Variants in KCNS1 observed in about 807,000 individuals in gnomAD.
KCNS1 encodes delayed-rectifier potassium channel regulatory subunit KCNS1.
KCNS1 carries 26 observed loss-of-function variants against 33.1 expected under a neutral mutation model. That is an observed-to-expected ratio of 0.79 (90% CI 0.58 to 1.09). The LOEUF (loss-of-function observed/expected upper bound fraction) is 1.09. Ranked by LOEUF, KCNS1 falls within the 50% of genes least tolerant of loss-of-function variation. KCNS1 has a pLI of 0.00. For synonymous variants in KCNS1, 299 were observed against 338.8 expected, an observed-to-expected ratio of 0.88 and a Z score of 1.29; for missense variants, 702 against 752.4, an observed-to-expected ratio of 0.93 and a Z score of 0.78.
chr20:45,098,531 C>A lies in KCNS1; in HGVS notation c.241G>T (p.Ala81Ser), dbSNP rs1462699926. ...CGCGCCTGCTCCTCCGACGCCGCGG[C>A]CTGCAGGCGGCCCAGCCGCGTGCCC... is the stretch of plus-strand genomic sequence containing the variant. Reference protein sequence around the residue: ...FPGTRLGRLQAAASEEQARRL... With the variant: ...FPGTRLGRLQSAASEEQARRL... The change falls in exon 3 of 4, where the codon GCC (alanine) becomes TCC (serine). Residue 81 changes from alanine to serine, a missense_variant. By Grantham distance (99) the Ala-to-Ser change is moderately conservative (BLOSUM62 1). This residue lies in a region of KCNS1 where 374 missense variants were observed against 352.3 expected (regional missense o/e 1.06). Transcript: ENST00000537075. The surrounding 1 kb of genome is among the most constrained non-coding windows in gnomAD (Gnocchi z 5.2). 1 of 1,502,214 alleles carries A rather than the reference C, an allele frequency of 6.7e-7. No individual in the cohort carries two copies. 93.1% of individuals were successfully genotyped at this position (1,502,214 alleles called of 1,614,324 possible). A position where few individuals can be genotyped will look rare whatever the true frequency, so the allele number is the denominator to read the frequency against.
chr20:45,095,046 C>T lies in KCNS1; in HGVS notation c.1405G>A (p.Ala469Thr). ...CTGTTGCGCACGGCTGCCTCCAGAG[C>T]CTTCTGGCGCCGGTAGAAGTGGGAG... Reference protein sequence around the residue: ...KFSHFYRRQKALEAAVRNSNH... With the variant: ...KFSHFYRRQKTLEAAVRNSNH... The change falls in exon 4 of 4, where the codon GCT becomes ACT. Residue 469 changes from alanine to threonine, a missense_variant. Around this residue, in one of 3 missense-constraint regions of KCNS1, gnomAD observed 75 missense variants for 72.7 expected, o/e 1.03. Coordinates refer to ENST00000537075, the MANE Select transcript of KCNS1 (RefSeq NM_001322799.2). The T allele has an allele frequency of 6.2e-7, 1 of 1,613,954 alleles. No homozygotes were observed.
In KCNS1 at chr20:45,093,351, CA is replaced by C. The variant is rs1171939505; in HGVS notation, c.*1518del. ...GGCGGAGCTGAACGGACCTCCTTTT[CA>C]GTCTTGTTCACACCTTTTTGAGGGC... On this transcript the variant is annotated 3_prime_UTR_variant, in exon 4 of 4. Transcript: ENST00000537075. 4 of 152,274 alleles carry C rather than the reference CA, an allele frequency of 2.6e-5. No homozygotes were observed. In the East Asian group the frequency reaches 7.7e-4, roughly 29 times the overall value. 9.4% of individuals were successfully genotyped at this position (152,274 alleles called of 1,614,324 possible). A position where few individuals can be genotyped will look rare whatever the true frequency, so the allele number is the denominator to read the frequency against.
Position 45,099,171 on chromosome 20 carries a change from T to TC in KCNS1, c.65_66insG (p.Pro23ThrfsTer8). 6.4e-7 allele frequency: 1 copy of TC among 1,551,480 alleles called. No individual in the cohort carries two copies. The stretch of plus-strand genomic sequence containing the variant: ...GATAGTAACACTTACCTCCTAGGGG[T>TC]GTTGGCAGCACCACTTTAGACCGGA... On this transcript the variant is annotated frameshift_variant, in exon 2 of 4. Transcript: ENST00000537075. LOFTEE classifies it high-confidence loss of function.
intron 3 of KCNS1, 95 bp downstream of exon 3, chr20:45,097,567 A>T: frequency 7.9e-7 from 1 of 1,262,968 alleles, no homozygotes; most frequent in Non-Finnish European, 1.1e-6. Flanking sequence ...GTTGAACGTT[A>T]AGCCTGGACT....
chr20:45,094,821 G>C lies in KCNS1; in HGVS notation c.*49C>G. On this transcript the variant is annotated 3_prime_UTR_variant, in exon 4 of 4. Transcript: ENST00000537075. ...ACTACCATGAAGAACTTTAGCAGGGGAGGAATCTCTACTGTAGGGGCATGG... is the reference window on the plus strand; with the variant it reads ...ACTACCATGAAGAACTTTAGCAGGGCAGGAATCTCTACTGTAGGGGCATGG... The C allele has an allele frequency of 6.9e-7, 1 of 1,440,096 alleles. No individual in the cohort carries two copies. The highest frequency in any genetic ancestry group is 9.5e-7 in the Non-Finnish European group (1 of 1,048,104). The allele number at this position is 1,440,096 out of a possible 1,614,324, so 89.2% of individuals were successfully genotyped here. A position where few individuals can be genotyped will look rare whatever the true frequency, so the allele number is the denominator to read the frequency against.
At position 45,098,698 on chromosome 20, in the gene KCNS1, G is replaced by A; in HGVS notation, c.77-3C>T. The A allele has an allele frequency of 7.1e-7, 1 of 1,406,674 alleles. No individual in the cohort carries two copies. Among genetic ancestry groups the A allele is most frequent in the Non-Finnish European group, 9.2e-7 (1 of 1,081,882 alleles). 87.1% of individuals were successfully genotyped at this position (1,406,674 alleles called of 1,614,324 possible). ...CACAAAGGTTTCAGTGCTCCTCCCT[G>A]CGGACACCAGAAGGGCGCGCTGAGG... On this transcript the variant is annotated splice_polypyrimidine_tract_variant and splice_region_variant and intron_variant, in intron 2 of 3. Coordinates refer to ENST00000537075, the MANE Select transcript of KCNS1 (RefSeq NM_001322799.2). The surrounding 1 kb of genome is among the most constrained non-coding windows in gnomAD (Gnocchi z 5.2).
Position 45,098,520 on chromosome 20 carries a change from C to A in KCNS1, c.252G>T (p.Ser84=). The change falls in exon 3 of 4, where the codon TCG becomes TCT. Residue 84 remains serine (S), a synonymous_variant. Transcript: ENST00000537075. This position sits in a 1 kb window ranked among gnomAD's most constrained non-coding sequence, Gnocchi z 5.2. The part of the protein sequence containing the change: ...TRLGRLQAAA[S]EEQARRLCDD... ...CGCACAGGCGCCGCGCCTGCTCCTC[C>A]GACGCCGCGGCCTGCAGGCGGCCCA... 6.6e-7 allele frequency: 1 copy of A among 1,510,720 alleles called. No homozygotes were observed. The highest frequency in any genetic ancestry group is 8.9e-7 in the Non-Finnish European group (1 of 1,128,052). 93.6% of individuals were successfully genotyped at this position (1,510,720 alleles called of 1,614,324 possible).
chr20:45,092,467 G>A lies in KCNS1; in HGVS notation c.*2403C>T, dbSNP rs909826071. On this transcript the variant is annotated 3_prime_UTR_variant, in exon 4 of 4. Transcript: ENST00000537075. ...CCACATCAGTATTAGGGACCTGTTT[G>A]TAGGGTCAGAAAATATGGAAGCCGT... The A allele has an allele frequency of 6.6e-6, 1 of 152,216 alleles. No individual in the cohort carries two copies. Among genetic ancestry groups the A allele is most frequent in the Non-Finnish European group, 1.5e-5 (1 of 68,058 alleles). 9.4% of individuals were successfully genotyped at this position (152,216 alleles called of 1,614,324 possible).
chr20:45,099,356 C>T (rs1248311499), intron 1 of KCNS1, 117 bp from the exon 2 acceptor site: 12 of 669,006 alleles, frequency 1.8e-5, no homozygotes, highest in Admixed American at 1.5e-4. Flanking sequence ...GATTCGGCTA[C>T]ATAGTCAAGT....
Position 45,098,577 on chromosome 20 carries a change from C to T in KCNS1, c.195G>A (p.Ala65=). 7.2e-7 allele frequency: 1 copy of T among 1,380,092 alleles called. No individual in the cohort carries two copies. The highest frequency in any genetic ancestry group is 3.4e-5 in the Admixed American group (1 of 29,558). The allele number at this position is 1,380,092 out of a possible 1,614,324, so 85.5% of individuals were successfully genotyped here. ...NVGGVRRQLS[A]RALARFPGTR... ...TGCCCGGGAAGCGCGCCAGGGCGCGCGCGCTCAGCTGCCGCCGCACGCCAC... is the reference window on the plus strand; with the variant it reads ...TGCCCGGGAAGCGCGCCAGGGCGCGTGCGCTCAGCTGCCGCCGCACGCCAC... The change falls in exon 3 of 4, where the codon GCG becomes GCA. Residue 65 remains alanine (A), a synonymous_variant. Coordinates refer to ENST00000537075, the MANE Select transcript of KCNS1 (RefSeq NM_001322799.2). This position sits in a 1 kb window ranked among gnomAD's most constrained non-coding sequence, Gnocchi z 5.2.
Position 45,093,680 on chromosome 20 carries a change from C to G in KCNS1, c.*1190G>C, listed in dbSNP as rs1020881345. Reference sequence around the variant, plus strand: ...AGCAGGTGGGTATGAGAGATATGCCCCCAGCAAGGGTGAGGGGGCTGGAGC... The same window carrying G: ...AGCAGGTGGGTATGAGAGATATGCCGCCAGCAAGGGTGAGGGGGCTGGAGC... On this transcript the variant is annotated 3_prime_UTR_variant, in exon 4 of 4. Transcript: ENST00000537075. 2 of 152,306 alleles carry G rather than the reference C, an allele frequency of 1.3e-5. No individual in the cohort carries two copies. The highest frequency in any genetic ancestry group is 4.8e-5 in the African/African-American group (2 of 41,448). 9.4% of individuals were successfully genotyped at this position (152,306 alleles called of 1,614,324 possible).
chr20:45,100,593 G>GT (rs937398393), intron 1 of KCNS1, among the ~76,000 whole-genome samples: 10 of 152,242 alleles, frequency 6.6e-5, no homozygotes, highest in East Asian at 5.8e-4. Context: ...TGGAGACCAG[G>GT]TTTTTTTATT....
At chr20:45,100,447 C>T (rs2145516824) in intron 1 of KCNS1, 1 of 152,350 alleles carries the variant, frequency 6.6e-6, no homozygotes, top group South Asian at 2.1e-4. Context: ...CTTCATCCAT[C>T]AGGAGCTCAC....
At chr20:45,097,406 G>C (rs1413709000) in intron 3 of KCNS1, among the ~76,000 whole-genome samples, 1 of 151,766 alleles carries the variant, frequency 6.6e-6, no homozygotes, top group African/African-American at 2.4e-5. Flanking sequence ...TTTTGAAAAA[G>C]AAAGACAAGC....
chr20:45,093,352 A>G lies in KCNS1; in HGVS notation c.*1518T>C, dbSNP rs1373521402. ...GCGGAGCTGAACGGACCTCCTTTTC[A>G]GTCTTGTTCACACCTTTTTGAGGGC... On this transcript the variant is annotated 3_prime_UTR_variant, in exon 4 of 4. Transcript: ENST00000537075. The G allele has an allele frequency of 6.6e-6, 1 of 152,114 alleles. No individual in the cohort carries two copies. Among genetic ancestry groups the G allele is most frequent in the East Asian group, 1.9e-4 (1 of 5,184 alleles). 9.4% of individuals were successfully genotyped at this position (152,114 alleles called of 1,614,324 possible).
At position 45,097,946 on chromosome 20, in the gene KCNS1, C is replaced by G; in HGVS notation, c.826G>C (p.Glu276Gln). 3.8e-6 allele frequency: 6 copies of G among 1,575,582 alleles called. No individual in the cohort carries two copies. Among genetic ancestry groups the G allele is most frequent in the Non-Finnish European group, 4.3e-6 (5 of 1,162,084 alleles). The change falls in exon 3 of 4, where the codon GAG becomes CAG. Residue 276 changes from glutamate to glutamine, a missense_variant. By Grantham distance (29) the Glu-to-Gln change is conservative. Around this residue, in one of 3 missense-constraint regions of KCNS1, gnomAD observed 253 missense variants for 327.4 expected, o/e 0.77. Coordinates refer to ENST00000537075, the MANE Select transcript of KCNS1 (RefSeq NM_001322799.2). ...CTGAACCAGGCGATGCAGAAGTACT[C>G]GAGGCGTCGCAGCACCGGGTCGTCG... Reference protein sequence around the residue: ...VRDDPVLRRLEYFCIAWFSFE... With the variant: ...VRDDPVLRRLQYFCIAWFSFE...
At chr20:45,095,525 A>C (rs1270093610) in intron 3 of KCNS1, among the ~76,000 whole-genome samples, 185 bp from the exon 4 acceptor site, 1 of 151,552 alleles carries the variant, frequency 6.6e-6, no homozygotes, top group African/African-American at 2.4e-5. Flanking sequence ...TGGCAGCAAA[A>C]CCCCCTGGTA....
In KCNS1 at chr20:45,094,935, C is replaced by T; in HGVS notation, c.1516G>A (p.Glu506Lys). ...SLETSRETSQEGQSADLESQA... is the reference protein window; with the variant it reads ...SLETSRETSQKGQSADLESQA... ...CTCTCTAGATCTGCAGACTGTCCCT[C>T]CTGAGAGGTTTCTCGGGATGTCTCC... Residue 506 changes from glutamate to lysine, a missense_variant, in exon 4 of 4, where the codon GAG (glutamate) becomes AAG (lysine). Glu to Lys is a moderately conservative substitution (Grantham distance 56). This residue lies in a region of KCNS1 where 75 missense variants were observed against 72.7 expected (regional missense o/e 1.03). Transcript: ENST00000537075. 6.2e-7 allele frequency: 1 copy of T among 1,613,942 alleles called. No individual in the cohort carries two copies. Among genetic ancestry groups the T allele is most frequent in the East Asian group, 2.2e-5 (1 of 44,866 alleles).
rs780615995 is a variant in KCNS1 at position 45,094,910 on chromosome 20, C to G, written c.1541G>C (p.Ser514Thr). The change falls in exon 4 of 4, where the codon AGC becomes ACC. Residue 514 changes from serine to threonine, a missense_variant. Ser to Thr is a moderately conservative substitution (Grantham distance 58, BLOSUM62 1). This residue lies in a region of KCNS1 where 75 missense variants were observed against 72.7 expected (regional missense o/e 1.03). Transcript: ENST00000537075. ...SQEGQSADLE[S>T]QAPSEPPHPQ... ...GTGTGGAGGCTCACTGGGGGCCTGG[C>G]TCTCTAGATCTGCAGACTGTCCCTC... The G allele has an allele frequency of 3.1e-6, 5 of 1,613,644 alleles. No homozygotes were observed. In the Admixed American group the frequency reaches 8.3e-5, roughly 27 times the overall value.
Sources: allele counts gnomAD v4.1 joint callset (sites outside exome capture counted in the v4.1 genomes callset), GRCh38; gene constraint gnomAD v4.1.1; regional missense constraint gnomAD v4.1.1; non-coding constraint Gnocchi (gnomAD v3.1); transcripts MANE v1.5; gene names NCBI Gene and HGNC (gene_info 2026-07-23, HGNC 2026-07-21).